The following RAP1GAP2 variants were observed in gnomAD, a reference collection of about 807,000 sequenced individuals.
RAP1GAP2 encodes rap1 GTPase-activating protein 2.
In RAP1GAP2, 27 loss-of-function variants were observed where a neutral mutation model predicts 95.0. The observed-to-expected ratio is 0.28, with a 90% CI of 0.21 to 0.39. The LOEUF is 0.39. Among genes scored for constraint, RAP1GAP2 ranks in the 10% least tolerant of loss-of-function variants. RAP1GAP2 has a pLI of 1.00. For synonymous variants in RAP1GAP2, 373 were observed against 380.9 expected (o/e 0.98, Z 0.24); for missense variants, 771 against 970.0 (o/e 0.79, Z 2.72).
intron 3 of RAP1GAP2, among the ~76,000 whole-genome samples, chr17:2,952,063 C>G (rs909337394): frequency 9.1e-6 from 1 of 109,872 alleles, no homozygotes; most frequent in Non-Finnish European, 2.2e-5. Context: ...AAAATAAATA[C>G]TGAAAAGCAC....
chr17:3,037,217 G>A lies in RAP1GAP2; in HGVS notation c.*3856G>A, dbSNP rs2047488509. On this transcript the variant is annotated 3_prime_UTR_variant, in exon 25 of 25. Coordinates refer to ENST00000254695, the MANE Select transcript of RAP1GAP2 (RefSeq NM_015085.5). ...ACAAGCCCCACTAGGGCCAAGGGCA[G>A]CAGAGCCCTGCCGAGTGAGAGGCTG... The A allele has an allele frequency of 6.5e-6, 1 of 152,716 alleles. No individual in the cohort carries two copies. The highest frequency in any genetic ancestry group is 2.4e-5 in the African/African-American group (1 of 41,454). The allele number at this position is 152,716 out of a possible 1,614,324, so 9.5% of individuals were successfully genotyped here.
In RAP1GAP2 at chr17:3,027,196, T is replaced by A. The variant is rs528598088; in HGVS notation, c.2107+126T>A. On this transcript the variant is annotated intron_variant, in intron 22 of 24. Coordinates refer to ENST00000254695, the MANE Select transcript of RAP1GAP2 (RefSeq NM_015085.5). This position sits in a 1 kb window ranked among gnomAD's most constrained non-coding sequence, Gnocchi z 5.2. ...ACCCCTCCTCCCAGCTGTGAGGCCC[T>A]CCGCTCTGTGCGCCCGCCTCTTCTG... is the stretch of plus-strand genomic sequence containing the variant. 1.8e-5 allele frequency: 22 copies of A among 1,222,124 alleles called. No individual in the cohort carries two copies. Among genetic ancestry groups the A allele is most frequent in the Non-Finnish European group, 2.2e-5 (20 of 906,724 alleles). 75.7% of individuals were successfully genotyped at this position (1,222,124 alleles called of 1,614,324 possible).
At position 2,800,497 on chromosome 17, in the gene RAP1GAP2, T is replaced by C; in HGVS notation, c.45-18T>C. The C allele has an allele frequency of 1.1e-5, 18 of 1,611,474 alleles. No homozygotes were observed. The highest frequency in any genetic ancestry group is 1.5e-5 in the Non-Finnish European group (18 of 1,178,836). On this transcript the variant is annotated intron_variant, in intron 1 of 24. Coordinates refer to ENST00000254695, the MANE Select transcript of RAP1GAP2 (RefSeq NM_015085.5). ...TCAGCCTCAGCACTGACCGGAGCCCTTGCTTTTCTCTTGGCAGGATCGACA... is the reference window on the plus strand; with the variant it reads ...TCAGCCTCAGCACTGACCGGAGCCCCTGCTTTTCTCTTGGCAGGATCGACA...
At chr17:2,944,340 C>A (rs370935878) in intron 3 of RAP1GAP2, among the ~76,000 whole-genome samples, 8 of 152,132 alleles carry the variant, frequency 5.3e-5, no homozygotes, top group African/African-American at 1.9e-4. Flanking sequence ...CTACCAACTT[C>A]ATTCTTTGCA....
Position 3,026,954 on chromosome 17 carries a change from C to T in RAP1GAP2, c.1991C>T (p.Pro664Leu), listed in dbSNP as rs776195452. ...TGCCTCTCTCCTCAGGGCAGCCAGC[C>T]GTCCACGACCTCACCCTTCAAGCAG... is the stretch of plus-strand genomic sequence containing the variant. ...MEEGDSGGSQPSTTSPFKQEV... is the reference protein window; with the variant it reads ...MEEGDSGGSQLSTTSPFKQEV... The change falls in exon 22 of 25, where the codon CCG becomes CTG. Residue 664 changes from proline to leucine, a missense_variant. Transcript: ENST00000254695. 7 of 1,551,898 alleles carry T rather than the reference C, an allele frequency of 4.5e-6. No homozygotes were observed. The highest frequency in any genetic ancestry group is 4.9e-5 in the East Asian group (2 of 40,942).
chr17:2,962,459 A>T, intron 4 of RAP1GAP2: 1 of 530,780 alleles, frequency 1.9e-6, no homozygotes, highest in Non-Finnish European at 3.3e-6. Flanking sequence ...GATCTGGCTC[A>T]AGTCTATGCT....
chr17:2,773,178 A>G (rs1021048297), upstream of RAP1GAP2, among the ~76,000 whole-genome samples: 8 of 152,038 alleles, frequency 5.3e-5, no homozygotes, highest in African/African-American at 1.7e-4. Context: ...CAAACTATAG[A>G]TGGGTGGACT....
At chr17:2,820,515 G>A (rs1416144764) in intron 2 of RAP1GAP2, among the ~76,000 whole-genome samples, 2 of 151,664 alleles carry the variant, frequency 1.3e-5, no homozygotes, top group East Asian at 2.0e-4. Flanking sequence ...AGCTACTAGG[G>A]TGGCTGAGGC....
chr17:2,804,052 T>C (rs917616328), intron 2 of RAP1GAP2, among the ~76,000 whole-genome samples: 1 of 152,190 alleles, frequency 6.6e-6, no homozygotes, highest in Non-Finnish European at 1.5e-5. Flanking sequence ...ATGCCCACTG[T>C]TGGGGCTCCT....
At chr17:3,021,424 ATTTGTC>A in intron 19 of RAP1GAP2, among the ~76,000 whole-genome samples, 1 of 125,664 alleles carries the variant, frequency 8.0e-6, no homozygotes, top group Non-Finnish European at 1.6e-5. Flanking sequence ...AACATGCGAT[ATTTGTC>A]TTTTTTTTTT....
At chr17:2,822,627 GTTTTTTTTTTT>G (rs66503004) in intron 2 of RAP1GAP2, among the ~76,000 whole-genome samples, 3 of 127,852 alleles carry the variant, frequency 2.3e-5, no homozygotes, top group African/African-American at 5.3e-5. Flanking sequence ...GTTTTTTTTT[GTTTTTTTTTTT>G]TTTTTTTTTT....
At chr17:2,987,493 C>T (rs2045595888) in intron 11 of RAP1GAP2, among the ~76,000 whole-genome samples, 1 of 152,018 alleles carries the variant, frequency 6.6e-6, no homozygotes, top group South Asian at 2.1e-4. Context: ...CCTCGAGCAG[C>T]TGGGATTACA....
At chr17:2,781,170 C>G (rs1567643077) in intron 1 of RAP1GAP2, among the ~76,000 whole-genome samples, 1 of 152,242 alleles carries the variant, frequency 6.6e-6, no homozygotes, top group Admixed American at 6.5e-5. Flanking sequence ...CACTCCTTTC[C>G]CTAGTTCAGA....
chr17:2,848,601 G>A (rs1049745479), intron 2 of RAP1GAP2, among the ~76,000 whole-genome samples: 3 of 151,270 alleles, frequency 2.0e-5, no homozygotes, highest in Admixed American at 1.3e-4. Flanking sequence ...TACAACCTCC[G>A]CCTCTGGGCT....
At chr17:2,767,358 T>TAA (rs2068295356) in intron 1 of RAP1GAP2, among the ~76,000 whole-genome samples, 1 of 43,092 alleles carries the variant, frequency 2.3e-5, no homozygotes, top group Non-Finnish European at 4.9e-5. Context: ...TGAGACTCTG[T>TAA]TAAAAAAAAA....
rs1437148230 is a variant in RAP1GAP2 at position 2,991,325 on chromosome 17, A to C, written c.842A>C (p.Asn281Thr). 1.2e-6 allele frequency: 2 copies of C among 1,605,838 alleles called. No homozygotes were observed. The highest frequency in any genetic ancestry group is 2.7e-5 in the African/African-American group (2 of 74,822). Residue 281 changes from asparagine (N) to threonine (T), a missense_variant, in exon 12 of 25, where the codon AAT (asparagine) becomes ACT (threonine). Coordinates refer to ENST00000254695, the MANE Select transcript of RAP1GAP2 (RefSeq NM_015085.5). ...QTLEEELFGN[N>T]EESPAFKEFL... ...CTGGAGGAGGAGCTATTTGGGAACA[A>C]TGAGGAGAGCCCAGCTTTTAAGGAG...
rs929883565 is a variant in RAP1GAP2, at chr17:2,866,421, C to G, written c.81-38863C>G. On this transcript the variant is annotated intron_variant, in intron 2 of 24. Transcript: ENST00000254695. The surrounding 1 kb of genome is among the most constrained non-coding windows in gnomAD (Gnocchi z 4.0). ...CCCCTAGACTCAGGGCAGTTGGTAC[C>G]CCAGTTAGAATACAAAAACAGAGTC... Among the ~76,000 whole-genome samples the G allele has an allele frequency of 6.6e-6, 1 of 152,074 alleles. No homozygotes were observed. Among genetic ancestry groups the G allele is most frequent in the Non-Finnish European group, 1.5e-5 (1 of 68,012 alleles).
At chr17:2,809,774 T>C (rs2069677878) in intron 2 of RAP1GAP2, among the ~76,000 whole-genome samples, 1 of 152,170 alleles carries the variant, frequency 6.6e-6, no homozygotes, top group Admixed American at 6.5e-5. Context: ...GTGCTTCTTG[T>C]CTACACACTG....
intron 2 of RAP1GAP2, among the ~76,000 whole-genome samples, chr17:2,887,066 G>A (rs2073527766): frequency 6.6e-6 from 1 of 151,950 alleles, no homozygotes; most frequent in Non-Finnish European, 1.5e-5. Flanking sequence ...TGATGATGAC[G>A]AATAATAGTT....
Sources: allele counts gnomAD v4.1 joint callset (sites outside exome capture counted in the v4.1 genomes callset), GRCh38; gene constraint gnomAD v4.1.1; non-coding constraint Gnocchi (gnomAD v3.1); transcripts MANE v1.5; gene names NCBI Gene and HGNC (gene_info 2026-07-23, HGNC 2026-07-21).